DLST: variants seen among roughly 807,000 people sequenced by gnomAD.
DLST encodes dihydrolipoamide S-succinyltransferase.
A neutral mutation model predicts 53.1 loss-of-function variants in DLST; 17 were observed. The ratio of observed to expected loss-of-function variants is 0.32; its 90% CI spans 0.22 to 0.48. The LOEUF is 0.48. Among genes scored for constraint, DLST ranks in the 20% least tolerant of loss-of-function variants. The pLI is 0.99. For missense variants in DLST, 512 were observed against 583.9 expected (o/e 0.88, Z 1.27); for synonymous variants, 206 against 204.8 (o/e 1.01, Z -0.05).
chr14:74,894,496 AAAAC>A (rs1884015108), intron 10 of DLST, 87 bp downstream of exon 10: 4 of 1,314,898 alleles, frequency 3.0e-6, no homozygotes, highest in South Asian at 1.3e-5. Context: ...TGCTGATTCT[AAAAC>A]TAACTTGTCA....
chr14:74,883,409 C>T (rs1469103494), intron 2 of DLST, among the ~76,000 whole-genome samples: 3 of 151,656 alleles, frequency 2.0e-5, no homozygotes, highest in South Asian at 4.2e-4. Context: ...AAGAGGTTGG[C>T]AGAACTTAAG....
chr14:74,892,632 AT>A (rs1315934661), intron 7 of DLST, among the ~76,000 whole-genome samples: 1 of 151,988 alleles, frequency 6.6e-6, no homozygotes, highest in Non-Finnish European at 1.5e-5. Context: ...TGAGCCAGTT[AT>A]CTGATGGACA....
intron 3 of DLST, among the ~76,000 whole-genome samples, chr14:74,887,487 G>T (rs2140188624): frequency 6.6e-6 from 1 of 152,276 alleles, no homozygotes; most frequent in East Asian, 1.9e-4. Flanking sequence ...GTATCTTTGT[G>T]TGTGTTGTGC....
chr14:74,894,490 G>A (rs111682140), intron 10 of DLST, 81 bp downstream of exon 10: 13,545 of 1,354,460 alleles, frequency 0.01, 173 homozygotes, highest in South Asian at 0.038. Flanking sequence ...ATCTAGTGCT[G>A]ATTCTAAAAC....
chr14:74,884,646 T>C (rs1883642223), intron 2 of DLST, among the ~76,000 whole-genome samples: 1 of 152,192 alleles, frequency 6.6e-6, no homozygotes, highest in Non-Finnish European at 1.5e-5. Context: ...GGACTCCAGG[T>C]TCCCAAAATC....
At chr14:74,890,041 G>A in intron 6 of DLST, 89 bp downstream of exon 6, 2 of 1,059,018 alleles carry the variant, frequency 1.9e-6, no homozygotes, top group Admixed American at 2.6e-5. Flanking sequence ...ATTGTTTAGA[G>A]ATAATTTTTA....
rs2853778 is a variant in DLST, at chr14:74,899,956, G to A, written c.935G>A (p.Arg312Lys). 14 of 1,613,686 alleles carry A rather than the reference G, an allele frequency of 8.7e-6. No homozygotes were observed. The highest frequency in any genetic ancestry group is 1.1e-5 in the Non-Finnish European group (13 of 1,179,860). ...GACACAACCAAAGAGGTGGTGTATA[G>A]GGATTATATTGACATCAGTGTTGCA... is the stretch of plus-strand genomic sequence containing the variant. ...IDDTTKEVVY[R>K]DYIDISVAVA... The change falls in exon 12 of 15, where the codon AGG becomes AAG. Residue 312 changes from arginine (R) to lysine (K), a missense_variant. Physicochemically the swap from Arg to Lys is conservative, Grantham distance 26. Coordinates refer to ENST00000334220, the MANE Select transcript of DLST (RefSeq NM_001933.5).
chr14:74,885,772 A>G (rs527250050), intron 3 of DLST, 138 bp downstream of exon 3: 28 of 749,852 alleles, frequency 3.7e-5, no homozygotes, highest in Admixed American at 2.0e-4. Flanking sequence ...TCCCTAGACT[A>G]ACCTCAATGT....
intron 5 of DLST, chr14:74,889,677 G>A (rs1055598911): frequency 2.1e-5 from 12 of 563,984 alleles, no homozygotes; most frequent in African/African-American, 9.5e-5. Flanking sequence ...GAGCCACTGC[G>A]CCTGGCTCCT....
In DLST at chr14:74,882,620, G is replaced by C. The variant is rs746730520; in HGVS notation, c.93G>C (p.Leu31=). ...KGNCPLGRRS[L]PGVSLCQGPG... ...ACTGCCCTCTAGGGAGACGTTCCCT[G>C]CCTGGTAAGTTCTGCCCTTACCGTC... Residue 31 remains leucine (L), a synonymous_variant, in exon 2 of 15, where the codon CTG becomes CTC. Coordinates refer to ENST00000334220, the MANE Select transcript of DLST (RefSeq NM_001933.5). 13 of 1,613,896 alleles carry C rather than the reference G, an allele frequency of 8.1e-6. No homozygotes were observed. The South Asian group carries it at 1.3e-4, about 16-fold the overall frequency.
intron 4 of DLST, 52 bp from the exon 5 acceptor site, chr14:74,889,223 T>C (rs930738098): frequency 6.8e-6 from 11 of 1,606,422 alleles, no homozygotes; most frequent in Non-Finnish European, 9.4e-6. Context: ...AAGAAAAATA[T>C]TAAAAAGGAA....
chr14:74,893,520 C>A, intron 9 of DLST, 96 bp downstream of exon 9: 2 of 1,320,154 alleles, frequency 1.5e-6, no homozygotes, highest in Non-Finnish European at 2.2e-6. Context: ...GAATGCCTGG[C>A]AGCTCATTCC....
At chr14:74,901,496 C>T (rs780598916) in intron 14 of DLST, among the ~76,000 whole-genome samples, 15 of 152,186 alleles carry the variant, frequency 9.9e-5, no homozygotes, top group Non-Finnish European at 1.8e-4. Context: ...TTGAGAACCA[C>T]TGAGCTGAGG....
intron 7 of DLST, chr14:74,891,884 T>C (rs1276851915): frequency 1.0e-6 from 1 of 984,530 alleles, no homozygotes; most frequent in Middle Eastern, 5.2e-4. Context: ...GTAGAAAACA[T>C]GTATGGTAGA....
chr14:74,888,606 C>CA lies in DLST; in HGVS notation c.147-488dup, dbSNP rs1471421743. Among the ~76,000 whole-genome samples the CA allele has an allele frequency of 2.0e-5, 3 of 152,160 alleles. No homozygotes were observed. The East Asian group carries it at 5.8e-4, about 29-fold the overall frequency. The stretch of plus-strand genomic sequence containing the variant: ...CCTGTAGTCCCAGCTACCCGGGAGG[C>CA]AGAGGTGGGAGGATCCCTTAAATCC... On this transcript the variant is annotated intron_variant, in intron 3 of 14. Coordinates refer to ENST00000334220, the MANE Select transcript of DLST (RefSeq NM_001933.5).
rs765595175 is a variant in DLST at position 74,881,981 on chromosome 14, C to G, written c.28C>G (p.Arg10Gly). The G allele has an allele frequency of 6.4e-7, 1 of 1,571,998 alleles. No individual in the cohort carries two copies. Among genetic ancestry groups the G allele is most frequent in the Non-Finnish European group, 8.6e-7 (1 of 1,167,048 alleles). The change falls in exon 1 of 15, where the codon CGG becomes GGG. Residue 10 changes from arginine (R) to glycine (G), a missense_variant. This residue lies in a region of DLST where 129 missense variants were observed against 90.9 expected (regional missense o/e 1.42). Coordinates refer to ENST00000334220, the MANE Select transcript of DLST (RefSeq NM_001933.5). Reference protein sequence around the residue: MLSRSRCVSRAFSRSLSAFQ... With the variant: MLSRSRCVSGAFSRSLSAFQ... ...GCTGTCCCGATCCCGCTGTGTGTCT[C>G]GGGCGTTCAGCCGCTCGCTCTCCGC...
intron 11 of DLST, among the ~76,000 whole-genome samples, chr14:74,899,683 G>A (rs969164856): frequency 1.3e-5 from 2 of 152,154 alleles, no homozygotes; most frequent in Admixed American, 1.3e-4. Context: ...CCTTCTTAGG[G>A]CTGCCAAAGA....
intron 5 of DLST, 104 bp from the exon 6 acceptor site, chr14:74,889,793 C>T: frequency 9.4e-7 from 1 of 1,060,418 alleles, no homozygotes; most frequent in South Asian, 1.4e-5. Context: ...TTCTGCTGGC[C>T]CTGTAGGAAA....
chr14:74,887,012 A>T (rs1379760106), intron 3 of DLST, among the ~76,000 whole-genome samples: 1 of 152,104 alleles, frequency 6.6e-6, no homozygotes, highest in Admixed American at 6.6e-5. Flanking sequence ...AAGTGCTGGG[A>T]TTACAAGCAT....
Sources: allele counts gnomAD v4.1 joint callset (sites outside exome capture counted in the v4.1 genomes callset), GRCh38; gene constraint gnomAD v4.1.1; regional missense constraint gnomAD v4.1.1; transcripts MANE v1.5; gene names NCBI Gene and HGNC (gene_info 2026-07-23, HGNC 2026-07-21).